The following NCAPG2 variants were observed in gnomAD, a reference collection of about 807,000 sequenced individuals.
NCAPG2 encodes the protein condensin-2 complex subunit G2.
In NCAPG2, 53 loss-of-function variants were observed where a neutral mutation model predicts 141.1. The ratio of observed to expected loss-of-function variants is 0.38; its 90% CI spans 0.30 to 0.47. NCAPG2 has a LOEUF of 0.47. Among genes scored for constraint, NCAPG2 ranks in the 20% least tolerant of loss-of-function variants. NCAPG2 has a pLI of 0.99. For synonymous variants in NCAPG2, 499 were observed against 490.7 expected (o/e 1.02, Z -0.22); for missense variants, 1,087 against 1,389.0 (o/e 0.78, Z 3.46).
At chr7:158,641,695 T>C (rs1162789899) in intron 27 of NCAPG2, 5 of 458,902 alleles carry the variant, frequency 1.1e-5, no homozygotes, top group African/African-American at 2.0e-5. Context: ...AAGAAGAGCA[T>C]TACATAATGA....
intron 27 of NCAPG2, chr7:158,639,782 A>G: frequency 2.2e-6 from 2 of 927,214 alleles, no homozygotes; most frequent in Middle Eastern, 1.1e-3. Context: ...AAAAACAAAA[A>G]CAAAACACTA....
In NCAPG2 at chr7:158,655,474, A is replaced by C. The variant is rs746921054; in HGVS notation, c.2389-19T>G. The C allele has an allele frequency of 3.8e-6, 6 of 1,598,654 alleles. No homozygotes were observed. The highest frequency in any genetic ancestry group is 5.1e-6 in the Non-Finnish European group (6 of 1,166,298). ...GATCTGCCTGTAATAGAAAAAACCC[A>C]AGGGCCACATGCTGACTGACAAGGC... On this transcript the variant is annotated intron_variant, in intron 19 of 27. Transcript: ENST00000356309.
chr7:158,701,050 C>G (rs1036630124), intron 2 of NCAPG2, among the ~76,000 whole-genome samples: 1 of 152,222 alleles, frequency 6.6e-6, no homozygotes, highest in African/African-American at 2.4e-5. Flanking sequence ...CACCAGTCAT[C>G]TGGTACCTCC....
intron 1 of NCAPG2, chr7:158,702,354 T>G (rs1835859301): frequency 6.4e-6 from 1 of 156,162 alleles, no homozygotes; most frequent in African/African-American, 2.4e-5. Context: ...CATTCCTCCA[T>G]CAAAAAAATC....
intron 2 of NCAPG2, among the ~76,000 whole-genome samples, chr7:158,698,453 T>A (rs1238157391): frequency 6.6e-6 from 1 of 152,244 alleles, no homozygotes; most frequent in Non-Finnish European, 1.5e-5. Context: ...ATTTTTACTG[T>A]ACCTTTTCAA....
intron 16 of NCAPG2, among the ~76,000 whole-genome samples, chr7:158,660,401 C>CTTTTTTTTTTTTTTT (rs945928092): frequency 2.9e-4 from 21 of 72,816 alleles, no homozygotes; most frequent in African/African-American, 3.9e-4. Context: ...TTTCAGCTTT[C>CTTTTTTTTTTTTTTT]TTTTTTTTTT....
intron 9 of NCAPG2, among the ~76,000 whole-genome samples, chr7:158,682,543 A>G (rs1193756835): frequency 6.6e-6 from 1 of 152,234 alleles, no homozygotes; most frequent in Non-Finnish European, 1.5e-5. Flanking sequence ...TAGTATATTT[A>G]CATTCTATAA....
At position 158,648,209 on chromosome 7, in the gene NCAPG2, A is replaced by G. The variant is rs77360994; in HGVS notation, c.3076-1646T>C. On this transcript the variant is annotated intron_variant, in intron 24 of 27. Transcript: ENST00000356309. ...ACAACAGCATAAGGGATAGGAGAAC[A>G]CAACTGGAGATTCCTACCATGCAAT... Among the ~76,000 whole-genome samples, 763 of 152,332 alleles carry G rather than the reference A, an allele frequency of 5.0e-3. 46 individuals are homozygous for G. The East Asian group carries it at 0.12, about 24-fold the overall frequency.
In NCAPG2 at chr7:158,656,330, T is replaced by C. The variant is rs1831972571; in HGVS notation, c.2318A>G (p.Asn773Ser). ...YIEYLLTHPK[N>S]RECLLSAPRK... ...AGGAGCAGAGAGCAAGCACTCGCGG[T>C]TCTTTGGATGAGTCAGCAGATACTC... The change falls in exon 19 of 28, where the codon AAC (asparagine) becomes AGC (serine). Residue 773 changes from asparagine to serine, a missense_variant. By Grantham distance (46) the Asn-to-Ser change is conservative. Coordinates refer to ENST00000356309, the MANE Select transcript of NCAPG2 (RefSeq NM_017760.7). 1.2e-6 allele frequency: 2 copies of C among 1,614,134 alleles called. No homozygotes were observed. Among genetic ancestry groups the C allele is most frequent in the Non-Finnish European group, 1.7e-6 (2 of 1,180,012 alleles).
intron 5 of NCAPG2, among the ~76,000 whole-genome samples, chr7:158,690,160 T>C (rs1378241000): frequency 6.6e-6 from 1 of 152,220 alleles, no homozygotes; most frequent in Non-Finnish European, 1.5e-5. Flanking sequence ...AGGAAAATAA[T>C]TAAAAATCCA....
At chr7:158,677,541 A>AAAAAAAAAAAAAAAAAG (rs1834163774) in intron 11 of NCAPG2, among the ~76,000 whole-genome samples, 1 of 149,906 alleles carries the variant, frequency 6.7e-6, no homozygotes. Flanking sequence ...AAAAAAAAAA[A>AAAAAAAAAAAAAAAAAG]AAAAAAACAG....
chr7:158,649,491 T>C (rs2129458258), intron 24 of NCAPG2, among the ~76,000 whole-genome samples: 1 of 152,312 alleles, frequency 6.6e-6, no homozygotes, highest in African/African-American at 2.4e-5. Flanking sequence ...AAAAAACAGA[T>C]GGTGAGCCAG....
chr7:158,667,347 T>TCCAC (rs1833098023), intron 13 of NCAPG2: 1 of 133,138 alleles, frequency 7.5e-6, no homozygotes, highest in Non-Finnish European at 8.9e-6. Flanking sequence ...GTCCCTCCGC[T>TCCAC]CCTTAGCCAC....
At chr7:158,648,907 C>CCAAATGGACTACAACCACGG (rs1831269724) in intron 24 of NCAPG2, among the ~76,000 whole-genome samples, 1 of 32,816 alleles carries the variant, frequency 3.0e-5, no homozygotes, top group Non-Finnish European at 7.5e-5. Flanking sequence ...TATAACCACG[C>CCAAATGGACTACAACCACGG]CAAATGGACT....
At chr7:158,676,553 C>A (rs1834063936) in intron 11 of NCAPG2, among the ~76,000 whole-genome samples, 1 of 151,988 alleles carries the variant, frequency 6.6e-6, no homozygotes, top group African/African-American at 2.4e-5. Flanking sequence ...AAAAAATTAT[C>A]TTTTATCAAT....
In NCAPG2 at chr7:158,693,369, C is replaced by A; in HGVS notation, c.207G>T (p.Gly69=). 1 of 1,614,044 alleles carries A rather than the reference C, an allele frequency of 6.2e-7. No individual in the cohort carries two copies. Among genetic ancestry groups the A allele is most frequent in the East Asian group, 2.2e-5 (1 of 44,890 alleles). Residue 69 remains glycine (G), a synonymous_variant, in exon 3 of 28, where the codon GGG becomes GGT. Transcript: ENST00000356309. ...CACCCTGGGCTTCCACTACCTGCCA[C>A]CCATCCACTGGGCTTTCTAACAACA... ...TDVLLESPVD[G]WQVVEAQGED... is the part of the protein sequence containing the mutation.
At chr7:158,684,572 A>T (rs115030934) in intron 8 of NCAPG2, among the ~76,000 whole-genome samples, 2,450 of 152,336 alleles carry the variant, frequency 0.016, 66 homozygotes, top group African/African-American at 0.056. Context: ...TTGAGAGATG[A>T]ATAAAGTAGT....
chr7:158,675,611 G>T lies in NCAPG2; in HGVS notation c.1192C>A (p.Leu398Ile), dbSNP rs757423825. The T allele has an allele frequency of 1.2e-6, 2 of 1,613,518 alleles. No individual in the cohort carries two copies. Among genetic ancestry groups the T allele is most frequent in the Non-Finnish European group, 1.7e-6 (2 of 1,179,942 alleles). ...TTAGAAGTTATTTTACAAACACCAAGGATCCCTGTGGAACGGACCATCGGG... is the reference window on the plus strand; with the variant it reads ...TTAGAAGTTATTTTACAAACACCAATGATCCCTGTGGAACGGACCATCGGG... Reference protein sequence around the residue: ...PYPMVRSTGILGVCKITSKYW... With the variant: ...PYPMVRSTGIIGVCKITSKYW... The change falls in exon 12 of 28, where the codon CTT becomes ATT. Residue 398 changes from leucine to isoleucine, a missense_variant. Transcript: ENST00000356309.
intron 13 of NCAPG2, among the ~76,000 whole-genome samples, chr7:158,670,953 T>C (rs976763326): frequency 7.9e-5 from 12 of 152,180 alleles, no homozygotes; most frequent in Non-Finnish European, 7.3e-5. Context: ...AAGAACATTA[T>C]AAGCAATATT....
Sources: gnomAD v4.1 joint callset for allele counts (sites outside exome capture counted in the v4.1 genomes callset) on GRCh38, gnomAD v4.1.1 for gene constraint, MANE v1.5 for transcripts, NCBI Gene and HGNC (gene_info 2026-07-23, HGNC 2026-07-21) for gene names.